NKAIN2: variants seen among roughly 807,000 people sequenced by gnomAD.
The protein encoded by NKAIN2 is sodium/potassium transporting ATPase interacting 2, also known as sodium/potassium-transporting ATPase subunit beta-1-interacting protein 2.
NKAIN2 carries 14 observed loss-of-function variants against 32.6 expected under a neutral mutation model. The ratio of observed to expected loss-of-function variants is 0.43; its 90% CI spans 0.28 to 0.67. The LOEUF is 0.67. Among genes scored for constraint, NKAIN2 ranks in the 30% least tolerant of loss-of-function variants. The pLI, the probability that NKAIN2 is intolerant of heterozygous loss-of-function variation, is 0.17. For missense variants in NKAIN2, 198 were observed against 258.3 expected (o/e 0.77, Z 1.60); for synonymous variants, 80 against 87.2 (o/e 0.92, Z 0.46).
chr6:123,908,749 C>T (rs1048676217), intron 1 of NKAIN2, among the ~76,000 whole-genome samples: 1 of 152,008 alleles, frequency 6.6e-6, no homozygotes, highest in Non-Finnish European at 1.5e-5. Flanking sequence ...GTTTGATTAG[C>T]GTTTTTAAAT....
chr6:123,886,970 T>G (rs746622010), intron 1 of NKAIN2, among the ~76,000 whole-genome samples: 2 of 152,154 alleles, frequency 1.3e-5, no homozygotes, highest in African/African-American at 2.4e-5. Context: ...CAGATCTTAC[T>G]GATTTACTGC....
chr6:124,018,137 G>A (rs1412745054), intron 1 of NKAIN2, among the ~76,000 whole-genome samples: 1 of 152,156 alleles, frequency 6.6e-6, no homozygotes, highest in East Asian at 1.9e-4. Context: ...AGCTGTCAAA[G>A]CTTGGGGCTT....
At chr6:124,171,794 C>T (rs1419415910) in intron 1 of NKAIN2, among the ~76,000 whole-genome samples, 1 of 149,470 alleles carries the variant, frequency 6.7e-6, no homozygotes, top group Non-Finnish European at 1.5e-5. Context: ...TCAGGCAATC[C>T]GCCTGCCTTG....
intron 1 of NKAIN2, among the ~76,000 whole-genome samples, chr6:124,146,921 G>A (rs188113477): frequency 1.1e-3 from 169 of 152,252 alleles, no homozygotes; most frequent in Non-Finnish European, 2.1e-3. Context: ...TGGGGAGGAG[G>A]CGTGGAGGCT....
At chr6:123,878,049 A>G (rs903172218) in intron 1 of NKAIN2, among the ~76,000 whole-genome samples, 6 of 152,092 alleles carry the variant, frequency 3.9e-5, no homozygotes, top group Non-Finnish European at 7.4e-5. Context: ...CAACATGGAG[A>G]AACCCTGCCT....
intron 1 of NKAIN2, among the ~76,000 whole-genome samples, chr6:124,221,102 C>G: frequency 6.6e-6 from 1 of 151,808 alleles, no homozygotes; most frequent in Non-Finnish European, 1.5e-5. Flanking sequence ...AAGACACATG[C>G]ACACGTATGT....
intron 3 of NKAIN2, among the ~76,000 whole-genome samples, chr6:124,433,164 A>G (rs2114570904): frequency 6.6e-6 from 1 of 152,302 alleles, no homozygotes; most frequent in African/African-American, 2.4e-5. Flanking sequence ...CAGAAGACAC[A>G]GGCACTGAAA....
At position 124,301,371 on chromosome 6, in the gene NKAIN2, C is replaced by T. The variant is rs571355782; in HGVS notation, c.192+18229C>T. ...AGGTGTCCTGCAGGCGCAGAACCCT[C>T]GTGGGGAACCTCTGCTAGGGCAGTG... On this transcript the variant is annotated intron_variant, in intron 2 of 6. Transcript: ENST00000368417. 1.9e-3 allele frequency among the ~76,000 whole-genome samples: 283 copies of T among 152,288 alleles called. 2 individuals are homozygous for T. The highest frequency in any genetic ancestry group is 6.5e-3 in the African/African-American group (270 of 41,560).
At chr6:124,462,892 G>A (rs1335264837) in intron 3 of NKAIN2, among the ~76,000 whole-genome samples, 1 of 152,020 alleles carries the variant, frequency 6.6e-6, no homozygotes, top group Non-Finnish European at 1.5e-5. Flanking sequence ...CCTAATAGCA[G>A]TAAAGTGAAT....
intron 1 of NKAIN2, among the ~76,000 whole-genome samples, chr6:124,182,745 G>A (rs116172414): frequency 0.014 from 2,114 of 152,146 alleles, 46 homozygotes; most frequent in African/African-American, 0.049. Flanking sequence ...GGTGTCAGAT[G>A]GTAAGTGTAT....
intron 3 of NKAIN2, among the ~76,000 whole-genome samples, chr6:124,376,001 A>G (rs1161046913): frequency 2.0e-5 from 3 of 152,140 alleles, no homozygotes; most frequent in Non-Finnish European, 2.9e-5. Flanking sequence ...AGAGAATGTA[A>G]AAGAAGATTC....
intron 1 of NKAIN2, among the ~76,000 whole-genome samples, chr6:124,042,261 C>T (rs1781904887): frequency 6.6e-6 from 1 of 152,006 alleles, no homozygotes; most frequent in African/African-American, 2.4e-5. Context: ...TAATTGTTGC[C>T]ATAGTGTTTG....
At chr6:124,806,679 A>C (rs1780580176) in intron 5 of NKAIN2, among the ~76,000 whole-genome samples, 1 of 152,196 alleles carries the variant, frequency 6.6e-6, no homozygotes, top group African/African-American at 2.4e-5. Flanking sequence ...CTCCAATTAA[A>C]AGACACAGAC....
intron 1 of NKAIN2, among the ~76,000 whole-genome samples, chr6:124,203,137 C>G (rs1423532737): frequency 6.6e-6 from 1 of 151,580 alleles, no homozygotes; most frequent in African/African-American, 2.4e-5. Context: ...AAATATTTTC[C>G]CCTATAGAAT....
intron 3 of NKAIN2, among the ~76,000 whole-genome samples, chr6:124,490,731 T>C (rs1583329053): frequency 6.6e-6 from 1 of 151,758 alleles, no homozygotes; most frequent in Non-Finnish European, 1.5e-5. Flanking sequence ...TCCCTGAGCA[T>C]AGAAATTGAT....
intron 3 of NKAIN2, among the ~76,000 whole-genome samples, chr6:124,517,664 G>A (rs1262024634): frequency 6.6e-6 from 1 of 152,048 alleles, no homozygotes; most frequent in East Asian, 1.9e-4. Flanking sequence ...ACCAAAATAA[G>A]TTATAACCGT....
At chr6:124,440,575 G>A (rs759678084) in intron 3 of NKAIN2, among the ~76,000 whole-genome samples, 1 of 151,986 alleles carries the variant, frequency 6.6e-6, no homozygotes, top group African/African-American at 2.4e-5. Flanking sequence ...GGGCAAGTGA[G>A]TACCAAGAAA....
intron 4 of NKAIN2, among the ~76,000 whole-genome samples, chr6:124,690,350 T>C (rs1162770275): frequency 6.6e-6 from 1 of 152,170 alleles, no homozygotes; most frequent in African/African-American, 2.4e-5. Flanking sequence ...TTTTGCTGAT[T>C]TCTTTAGATT....
chr6:123,941,275 A>AT (rs539192739), intron 1 of NKAIN2, among the ~76,000 whole-genome samples: 2,004 of 149,316 alleles, frequency 0.013, 19 homozygotes, highest in Middle Eastern at 0.017. Context: ...TATACTTAAT[A>AT]TTTTTTTTTT....
Sources: allele counts gnomAD v4.1 joint callset (sites outside exome capture counted in the v4.1 genomes callset), GRCh38; gene constraint gnomAD v4.1.1; transcripts MANE v1.5; gene names NCBI Gene and HGNC (gene_info 2026-07-23, HGNC 2026-07-21).